The following CNTN3 variants were observed in gnomAD, a reference collection of about 807,000 sequenced individuals.
The protein encoded by CNTN3 is contactin 3.
A neutral mutation model predicts 119.1 loss-of-function variants in CNTN3; 60 were observed. That is an observed-to-expected ratio of 0.50 (90% CI 0.41 to 0.62). The LOEUF (loss-of-function observed/expected upper bound fraction) is 0.62, where lower values mean the gene tolerates loss of function less well. CNTN3 is among the 20% of genes least tolerant of loss of function. The pLI is 0.00. For missense variants in CNTN3, 1,101 were observed against 1,242.4 expected (o/e 0.89, Z 1.71); for synonymous variants, 450 against 438.7 (o/e 1.03, Z -0.32).
intron 3 of CNTN3, among the ~76,000 whole-genome samples, chr3:74,494,933 C>T (rs139459176): frequency 6.6e-6 from 1 of 152,066 alleles, no homozygotes; most frequent in Admixed American, 6.6e-5. Flanking sequence ...GAATCCAGCA[C>T]TAAGGATGTC....
intron 4 of CNTN3, among the ~76,000 whole-genome samples, chr3:74,446,944 T>G (rs963311002): frequency 6.6e-6 from 1 of 152,168 alleles, no homozygotes; most frequent in African/African-American, 2.4e-5. Context: ...TGAGGTCTTA[T>G]TATATATGGA....
At chr3:74,611,005 CAA>C (rs1705070695) in intron 1 of CNTN3, among the ~76,000 whole-genome samples, 1 of 152,124 alleles carries the variant, frequency 6.6e-6, no homozygotes, top group Non-Finnish European at 1.5e-5. Context: ...GAAAGGTAAT[CAA>C]AGTCAAGGGA....
intron 4 of CNTN3, among the ~76,000 whole-genome samples, chr3:74,452,730 T>C (rs1221871655): frequency 6.8e-6 from 1 of 147,266 alleles, no homozygotes; most frequent in Non-Finnish European, 1.5e-5. Context: ...CATGAAGAGT[T>C]GTTGAATTTT....
intron 11 of CNTN3, among the ~76,000 whole-genome samples, chr3:74,357,255 T>G (rs1470717950): frequency 6.6e-6 from 1 of 151,576 alleles, no homozygotes; most frequent in East Asian, 2.0e-4. Flanking sequence ...ACGATTTACA[T>G]AGAAGGCACA....
chr3:74,302,906 T>C, intron 13 of CNTN3, 99 bp from the exon 14 acceptor site: 2 of 718,600 alleles, frequency 2.8e-6, no homozygotes, highest in Non-Finnish European at 4.8e-6. Context: ...CAATGAAAAC[T>C]ATATTTAGGG....
intron 1 of CNTN3, among the ~76,000 whole-genome samples, chr3:74,569,840 T>G (rs1244656448): frequency 6.6e-6 from 1 of 152,148 alleles, no homozygotes; most frequent in Admixed American, 6.6e-5. Flanking sequence ...TTCACCAAGC[T>G]GACTCAGGTT....
chr3:74,403,701 A>T (rs1705253898), intron 5 of CNTN3, among the ~76,000 whole-genome samples: 1 of 152,144 alleles, frequency 6.6e-6, no homozygotes, highest in African/African-American at 2.4e-5. Flanking sequence ...AAGAAATAGG[A>T]GCCTATTCAA....
intron 2 of CNTN3, among the ~76,000 whole-genome samples, chr3:74,519,834 C>T (rs1469469825): frequency 4.6e-5 from 7 of 151,580 alleles, no homozygotes; most frequent in Admixed American, 4.6e-4. Flanking sequence ...AAAATTGAGG[C>T]ATCACAGTAA....
At chr3:74,563,800 G>A (rs972916152) in intron 1 of CNTN3, among the ~76,000 whole-genome samples, 13 of 152,102 alleles carry the variant, frequency 8.5e-5, no homozygotes, top group African/African-American at 3.1e-4. Context: ...TCGTTTTCAT[G>A]ACAGTCTAAT....
At chr3:74,314,895 A>G (rs1295691368) in intron 13 of CNTN3, among the ~76,000 whole-genome samples, 1 of 152,216 alleles carries the variant, frequency 6.6e-6, no homozygotes, top group Non-Finnish European at 1.5e-5. Context: ...TAGTAAAATG[A>G]GGCTGAGACC....
At chr3:74,444,830 A>G (rs1049238276) in intron 4 of CNTN3, among the ~76,000 whole-genome samples, 1 of 152,244 alleles carries the variant, frequency 6.6e-6, no homozygotes. Flanking sequence ...GGACATTATC[A>G]ACCATAAAAA....
At chr3:74,444,060 T>C (rs530730270) in intron 4 of CNTN3, among the ~76,000 whole-genome samples, 15 of 152,152 alleles carry the variant, frequency 9.9e-5, no homozygotes, top group Non-Finnish European at 2.1e-4. Flanking sequence ...CCTTGACTTG[T>C]AGATGCATCA....
chr3:74,575,177 A>C (rs1704394657), intron 1 of CNTN3, among the ~76,000 whole-genome samples: 1 of 151,960 alleles, frequency 6.6e-6, no homozygotes, highest in Admixed American at 6.6e-5. Context: ...CTCTCACCTC[A>C]GTCTCCCAAA....
chr3:74,358,461 T>G (rs1703992713), intron 11 of CNTN3, among the ~76,000 whole-genome samples: 2 of 151,898 alleles, frequency 1.3e-5, no homozygotes, highest in South Asian at 4.1e-4. Context: ...AAAAATTCTG[T>G]ATTTCCCAGT....
chr3:74,295,657 A>G (rs939605852), intron 18 of CNTN3, among the ~76,000 whole-genome samples: 9 of 152,182 alleles, frequency 5.9e-5, no homozygotes, highest in African/African-American at 2.2e-4. Flanking sequence ...TTTACACAAT[A>G]AACACTGAGT....
intron 1 of CNTN3, among the ~76,000 whole-genome samples, chr3:74,592,454 CAAAAAG>C (rs1260916944): frequency 6.7e-6 from 1 of 150,324 alleles, no homozygotes; most frequent in Non-Finnish European, 1.5e-5. Flanking sequence ...AATCACTTGG[CAAAAAG>C]AAAAACAGAA....
chr3:74,331,709 G>C (rs1473771993), intron 13 of CNTN3, among the ~76,000 whole-genome samples: 2 of 152,146 alleles, frequency 1.3e-5, no homozygotes, highest in African/African-American at 4.8e-5. Flanking sequence ...CTGATTTAAT[G>C]ATACGACTTT....
In CNTN3 at chr3:74,553,041, C is replaced by T. The variant is rs951330320; in HGVS notation, c.-80-31849G>A. The stretch of plus-strand genomic sequence containing the variant: ...CATGGTGGTTTGCTGCACTCATCAA[C>T]CCGTCACCTACATTAGGTATTTCTC... On this transcript the variant is annotated intron_variant, in intron 1 of 22. Transcript: ENST00000263665. 2.6e-5 allele frequency among the ~76,000 whole-genome samples: 4 copies of T among 152,092 alleles called. No individual in the cohort carries two copies. In the South Asian group the frequency reaches 8.3e-4, roughly 32 times the overall value.
intron 13 of CNTN3, among the ~76,000 whole-genome samples, chr3:74,310,152 C>A (rs917597466): frequency 5.3e-5 from 8 of 151,870 alleles, no homozygotes; most frequent in Non-Finnish European, 1.0e-4. Flanking sequence ...CTTTATATTG[C>A]AAGTATAGAG....
Sources: gnomAD v4.1 joint callset for allele counts (sites outside exome capture counted in the v4.1 genomes callset) on GRCh38, gnomAD v4.1.1 for gene constraint, MANE v1.5 for transcripts, NCBI Gene and HGNC (gene_info 2026-07-23, HGNC 2026-07-21) for gene names.